Variants in OPN5 observed in about 807,000 individuals in gnomAD.
OPN5 encodes opsin 5, also known as opsin-5.
In OPN5, 18 loss-of-function variants were observed where a neutral mutation model predicts 41.7. That is an observed-to-expected ratio of 0.43 (90% CI 0.30 to 0.64). OPN5 has a LOEUF of 0.64. Ranked by LOEUF, OPN5 falls within the 30% of genes least tolerant of loss-of-function variation. OPN5 has a pLI of 0.13. For synonymous variants in OPN5, 178 were observed against 164.3 expected, an observed-to-expected ratio of 1.08 and a Z score of -0.64; for missense variants, 318 against 434.5, an observed-to-expected ratio of 0.73 and a Z score of 2.38.
exon 1 of OPN5, chr6:47,782,122 G>A (rs1240730978): frequency 3.1e-6 from 5 of 1,613,482 alleles, no homozygotes; most frequent in East Asian, 2.2e-5. Context: ...CATTACCTTC[G>A]AGATGGGGAT....
chr6:47,794,686 C>T (rs1773488030), intron 3 of OPN5: 1 of 152,848 alleles, frequency 6.5e-6, no homozygotes, highest in South Asian at 2.1e-4. Context: ...AGATTCCAAA[C>T]CTGCTCCACA....
chr6:47,813,369 A>T (rs915387395), intron 6 of OPN5, among the ~76,000 whole-genome samples: 6 of 152,190 alleles, frequency 3.9e-5, no homozygotes, highest in African/African-American at 1.4e-4. Context: ...TCATTGTGAG[A>T]CTTATGAAAT....
At chr6:47,793,486 T>G (rs1366590775) in intron 3 of OPN5, among the ~76,000 whole-genome samples, 1 of 152,204 alleles carries the variant, frequency 6.6e-6, no homozygotes, top group Non-Finnish European at 1.5e-5. Flanking sequence ...TAGACTTTTC[T>G]CCCATGTAAC....
chr6:47,787,379 T>C (rs1005443103), intron 2 of OPN5: 1 of 152,654 alleles, frequency 6.6e-6, no homozygotes, highest in Non-Finnish European at 1.5e-5. Context: ...TCCTTCACTA[T>C]AATTCAATTT....
intron 6 of OPN5, among the ~76,000 whole-genome samples, chr6:47,822,203 G>T (rs1014912538): frequency 6.6e-5 from 10 of 151,674 alleles, no homozygotes; most frequent in Non-Finnish European, 1.5e-4. Context: ...GTTTTAAGAA[G>T]AAATCCAGGG....
intron 3 of OPN5, among the ~76,000 whole-genome samples, chr6:47,794,039 C>T (rs367943434): frequency 5.9e-5 from 9 of 152,128 alleles, no homozygotes; most frequent in African/African-American, 2.2e-4. Flanking sequence ...CTTATTAGCG[C>T]TAAATGAGAT....
chr6:47,812,608 G>T (rs1443814929), intron 6 of OPN5, among the ~76,000 whole-genome samples: 16 of 152,100 alleles, frequency 1.1e-4, no homozygotes, highest in African/African-American at 3.9e-4. Flanking sequence ...TCTGAAAGGA[G>T]AAGGCACGTA....
intron 1 of OPN5, among the ~76,000 whole-genome samples, chr6:47,784,197 G>A (rs1162318056): frequency 6.6e-6 from 1 of 152,132 alleles, no homozygotes; most frequent in African/African-American, 2.4e-5. Flanking sequence ...TGAGGAGAGG[G>A]GTCGACTGGA....
In OPN5 at chr6:47,809,056, C is replaced by T. The variant is rs558128084; in HGVS notation, c.998+661C>T. On this transcript the variant is annotated intron_variant, in intron 5 of 6. Coordinates refer to ENST00000371211, the Ensembl canonical transcript of OPN5. ...TCCTCCTTGGTTGATACTGTTTGTGCTACACAGTGAAAAGAGTTTGGGAAT... is the reference window on the plus strand; with the variant it reads ...TCCTCCTTGGTTGATACTGTTTGTGTTACACAGTGAAAAGAGTTTGGGAAT... Among the ~76,000 whole-genome samples, 46 of 152,278 alleles carry T rather than the reference C, an allele frequency of 3.0e-4. 1 individual carries two copies. The highest frequency in any genetic ancestry group is 5.4e-4 in the Non-Finnish European group (37 of 68,026).
At chr6:47,820,705 G>A (rs1762596106) in intron 6 of OPN5, among the ~76,000 whole-genome samples, 3 of 152,042 alleles carry the variant, frequency 2.0e-5, no homozygotes, top group South Asian at 4.1e-4. Flanking sequence ...AGGAAGCTAG[G>A]CAAAAAATAA....
Position 47,787,120 on chromosome 6 carries a change from G to A in OPN5, c.250+486G>A, listed in dbSNP as rs1212957252. 9 of 981,538 alleles carry A rather than the reference G, an allele frequency of 9.2e-6. No homozygotes were observed. The East Asian group carries it at 9.1e-4, about 99-fold the overall frequency. The allele number at this position is 981,538 out of a possible 1,614,324, so 60.8% of individuals were successfully genotyped here. On this transcript the variant is annotated intron_variant, in intron 2 of 6. Transcript: ENST00000371211. Reference sequence around the variant, plus strand: ...AGGAAGAGGAAAGAGGTGCCCTGCTGATGATATATGTAATCATGACTTAGT... The same window carrying A: ...AGGAAGAGGAAAGAGGTGCCCTGCTAATGATATATGTAATCATGACTTAGT...
At chr6:47,806,561 T>C (rs1329961325) in intron 4 of OPN5, among the ~76,000 whole-genome samples, 1 of 152,160 alleles carries the variant, frequency 6.6e-6, no homozygotes, top group African/African-American at 2.4e-5. Context: ...TCTTTCTACC[T>C]TCTATTTTTT....
At chr6:47,792,999 T>A (rs1219056895) in intron 3 of OPN5, among the ~76,000 whole-genome samples, 2 of 146,968 alleles carry the variant, frequency 1.4e-5, no homozygotes, top group South Asian at 2.1e-4. Flanking sequence ...TTTTTTTTTT[T>A]AAAGTTTACA....
At chr6:47,821,807 A>G (rs1268256038) in intron 6 of OPN5, among the ~76,000 whole-genome samples, 1 of 152,076 alleles carries the variant, frequency 6.6e-6, no homozygotes, top group Admixed American at 6.6e-5. Flanking sequence ...AGTTGCTACA[A>G]ATCTGCATTT....
chr6:47,786,708 G>T (rs1428418674), intron 2 of OPN5, 74 bp downstream of exon 2: 3 of 1,303,878 alleles, frequency 2.3e-6, no homozygotes, highest in Non-Finnish European at 3.3e-6. Flanking sequence ...TGTCTCAAAC[G>T]TCACCCCCTG....
At chr6:47,787,163 G>A in intron 2 of OPN5, 9 of 984,004 alleles carry the variant, frequency 9.1e-6, no homozygotes, top group Non-Finnish European at 1.1e-5. Flanking sequence ...CACAAGCATA[G>A]GAAGCTTCTG....
At chr6:47,804,532 C>T (rs1035045023) in intron 4 of OPN5, among the ~76,000 whole-genome samples, 2 of 152,056 alleles carry the variant, frequency 1.3e-5, no homozygotes, top group African/African-American at 4.8e-5. Context: ...TGAAAACTTT[C>T]GTGGCCTATA....
At chr6:47,803,882 G>T (rs1773866536) in intron 4 of OPN5, among the ~76,000 whole-genome samples, 1 of 152,140 alleles carries the variant, frequency 6.6e-6, no homozygotes, top group African/African-American at 2.4e-5. Context: ...GTATCTCCAT[G>T]CCAATGACTT....
At chr6:47,812,621 T>C (rs1206620450) in intron 6 of OPN5, among the ~76,000 whole-genome samples, 1 of 152,168 alleles carries the variant, frequency 6.6e-6, no homozygotes, top group Non-Finnish European at 1.5e-5. Flanking sequence ...GGCACGTAGA[T>C]ACTATGTCCA....
Sources: gnomAD v4.1 joint callset for allele counts (sites outside exome capture counted in the v4.1 genomes callset) on GRCh38, gnomAD v4.1.1 for gene constraint, MANE v1.5 for transcripts, NCBI Gene and HGNC (gene_info 2026-07-23, HGNC 2026-07-21) for gene names.